The following LMBRD1 variants were observed in gnomAD, a reference collection of about 807,000 sequenced individuals.
The protein encoded by LMBRD1 is lysosomal cobalamin transport escort protein LMBD1.
A neutral mutation model predicts 74.8 loss-of-function variants in LMBRD1; 64 were observed. That is an observed-to-expected ratio of 0.86 (90% CI 0.70 to 1.05). The LOEUF (loss-of-function observed/expected upper bound fraction) is 1.05. Among genes scored for constraint, LMBRD1 ranks in the 50% least tolerant of loss-of-function variants. The pLI is 0.00. For missense variants in LMBRD1, 652 were observed against 645.9 expected (o/e 1.01, Z -0.10); for synonymous variants, 204 against 216.3 (o/e 0.94, Z 0.50).
chr6:69,782,147 AAAATATTCACAC>A (rs1393833786), intron 2 of LMBRD1, among the ~76,000 whole-genome samples: 2 of 152,230 alleles, frequency 1.3e-5, no homozygotes, highest in Non-Finnish European at 2.9e-5. Context: ...ATCGATCCTA[AAAATATTCACAC>A]AAATTAGGAT....
At chr6:69,681,733 G>A (rs1441766144) in intron 14 of LMBRD1, among the ~76,000 whole-genome samples, 1 of 151,900 alleles carries the variant, frequency 6.6e-6, no homozygotes, top group Non-Finnish European at 1.5e-5. Flanking sequence ...AGACTATTTA[G>A]AAGCCACTTC....
In LMBRD1 at chr6:69,701,507, C is replaced by T; in HGVS notation, c.1019G>A (p.Gly340Asp). The change falls in exon 11 of 16, where the codon GGT becomes GAT. Residue 340 changes from glycine to aspartate, a missense_variant. This residue lies in a region of LMBRD1 where 598 missense variants were observed against 581.8 expected (regional missense o/e 1.03). Transcript: ENST00000649934. ...KALHSAGIDS[G>D]FIIFGANLSN... ...CAGGTTAGCTCCAAAAATTATGAAA[C>T]CAGAATCTATTCCAGCTGAATGAAG... 6.2e-7 allele frequency: 1 copy of T among 1,607,816 alleles called. No individual in the cohort carries two copies. The highest frequency in any genetic ancestry group is 8.5e-7 in the Non-Finnish European group (1 of 1,175,868).
intron 7 of LMBRD1, among the ~76,000 whole-genome samples, chr6:69,724,349 A>T (rs1281167437): frequency 6.5e-4 from 2 of 3,070 alleles, no homozygotes; most frequent in African/African-American, 4.6e-3. Flanking sequence ...AGACACATTT[A>T]AAAAAAAAAA....
rs778769611 is a variant in LMBRD1, at chr6:69,701,563, G to A, written c.981-18C>T. On this transcript the variant is annotated intron_variant, in intron 10 of 15. Coordinates refer to ENST00000649934, the MANE Select transcript of LMBRD1 (RefSeq NM_018368.4). ...TATCTAAACTAAAAAAAATTACAAA[G>A]AATGAAATTTATGTTATACTATCAA... 6.9e-7 allele frequency: 1 copy of A among 1,457,556 alleles called. No individual in the cohort carries two copies. The highest frequency in any genetic ancestry group is 1.2e-5 in the South Asian group (1 of 85,638). 90.3% of individuals were successfully genotyped at this position (1,457,556 alleles called of 1,614,324 possible).
chr6:69,735,593 T>C (rs1766959162), intron 7 of LMBRD1, among the ~76,000 whole-genome samples: 2 of 152,208 alleles, frequency 1.3e-5, no homozygotes, highest in African/African-American at 2.4e-5. Context: ...ATATAAAATA[T>C]TAGTTTAAAA....
At chr6:69,747,445 C>A (rs1441717809) in intron 5 of LMBRD1, among the ~76,000 whole-genome samples, 1 of 152,194 alleles carries the variant, frequency 6.6e-6, no homozygotes, top group Admixed American at 6.5e-5. Context: ...TCTATGATAC[C>A]TTGTTATGGC....
rs1765384167 is a variant in LMBRD1, at chr6:69,761,938, T to G, written c.308-9582A>C. Reference sequence around the variant, plus strand: ...TCACTTAGCACAGGGGTTGGGATTTTTTCTCTGTTAACACATAATAAATAT... The same window carrying G: ...TCACTTAGCACAGGGGTTGGGATTTGTTCTCTGTTAACACATAATAAATAT... On this transcript the variant is annotated intron_variant, in intron 3 of 15. Coordinates refer to ENST00000649934, the MANE Select transcript of LMBRD1 (RefSeq NM_018368.4). 5.3e-5 allele frequency among the ~76,000 whole-genome samples: 8 copies of G among 152,342 alleles called. No individual in the cohort carries two copies. The South Asian group carries it at 1.7e-3, about 32-fold the overall frequency.
At chr6:69,781,865 T>C (rs996893650) in intron 2 of LMBRD1, among the ~76,000 whole-genome samples, 3 of 151,956 alleles carry the variant, frequency 2.0e-5, no homozygotes, top group South Asian at 2.1e-4. Flanking sequence ...CAAAATCCCA[T>C]TGTGCTAGGA....
chr6:69,742,094 G>A (rs547185885), intron 5 of LMBRD1, among the ~76,000 whole-genome samples: 19 of 152,042 alleles, frequency 1.2e-4, no homozygotes, highest in Admixed American at 3.3e-4. Context: ...TTGTAATCCC[G>A]TATGTTTTTT....
chr6:69,792,033 A>C (rs1230537092), intron 1 of LMBRD1, among the ~76,000 whole-genome samples: 2 of 152,180 alleles, frequency 1.3e-5, no homozygotes, highest in Non-Finnish European at 2.9e-5. Context: ...AAGACCACTC[A>C]TATTTGATGT....
intron 14 of LMBRD1, among the ~76,000 whole-genome samples, chr6:69,690,249 G>A (rs892117502): frequency 5.9e-5 from 9 of 151,832 alleles, no homozygotes; most frequent in Admixed American, 3.9e-4. Flanking sequence ...ATCTATCCCT[G>A]ACTAATCCAG....
intron 9 of LMBRD1, among the ~76,000 whole-genome samples, chr6:69,707,561 T>C (rs771567990): frequency 6.6e-6 from 1 of 152,188 alleles, no homozygotes; most frequent in Non-Finnish European, 1.5e-5. Flanking sequence ...TAAACACCGT[T>C]TATTTTTAGT....
At chr6:69,726,682 A>G (rs1292343822) in intron 7 of LMBRD1, among the ~76,000 whole-genome samples, 1 of 152,026 alleles carries the variant, frequency 6.6e-6, no homozygotes, top group Non-Finnish European at 1.5e-5. Flanking sequence ...AATCAAAACA[A>G]TTGAACTCGT....
intron 5 of LMBRD1, among the ~76,000 whole-genome samples, chr6:69,743,409 A>G (rs1010640550): frequency 6.6e-6 from 1 of 152,234 alleles, no homozygotes; most frequent in Non-Finnish European, 1.5e-5. Flanking sequence ...GAAAGAGACT[A>G]AAATTAATTA....
intron 3 of LMBRD1, among the ~76,000 whole-genome samples, chr6:69,764,063 T>A (rs1028989865): frequency 1.3e-5 from 2 of 152,048 alleles, no homozygotes; most frequent in Non-Finnish European, 2.9e-5. Flanking sequence ...AACTTAACAC[T>A]CTTGGGGCTG....
intron 14 of LMBRD1, among the ~76,000 whole-genome samples, chr6:69,692,273 G>T (rs1311165532): frequency 4.2e-5 from 5 of 120,432 alleles, no homozygotes; most frequent in South Asian, 2.8e-4. Flanking sequence ...TTTAAGGTGC[G>T]CTCTCTCTCT....
intron 6 of LMBRD1, among the ~76,000 whole-genome samples, chr6:69,739,068 G>C (rs555699881): frequency 6.6e-6 from 1 of 152,160 alleles, no homozygotes; most frequent in East Asian, 1.9e-4. Flanking sequence ...TTACTTTACT[G>C]ATCATACCAG....
chr6:69,737,946 T>G lies in LMBRD1; in HGVS notation c.632A>C (p.Tyr211Ser). Residue 211 changes from tyrosine (Y) to serine (S), a missense_variant, in exon 7 of 16, where the codon TAC (tyrosine) becomes TCC (serine). Physicochemically the swap from Tyr to Ser is moderately radical, Grantham distance 144. Around this residue, in one of 3 missense-constraint regions of LMBRD1, gnomAD observed 598 missense variants for 581.8 expected, o/e 1.03. Transcript: ENST00000649934. ...TLIGMLAAIT[Y>S]TAYGMSALPL... ...AATTATCCCCATTTCACTTACTGTGTAAGTTATAGCTGCCAACATTCCAAT... is the reference window on the plus strand; with the variant it reads ...AATTATCCCCATTTCACTTACTGTGGAAGTTATAGCTGCCAACATTCCAAT... The G allele has an allele frequency of 6.2e-7, 1 of 1,608,294 alleles. No homozygotes were observed. Among genetic ancestry groups the G allele is most frequent in the Non-Finnish European group, 8.5e-7 (1 of 1,175,792 alleles).
intron 14 of LMBRD1, among the ~76,000 whole-genome samples, chr6:69,691,833 G>A (rs2445960): frequency 0.54 from 77,012 of 142,710 alleles, 20,700 homozygotes; most frequent in Admixed American, 0.59. Context: ...CCAAGATCGC[G>A]CCACTGCACT....
Sources: gnomAD v4.1 joint callset for allele counts (sites outside exome capture counted in the v4.1 genomes callset) on GRCh38, gnomAD v4.1.1 for gene constraint, gnomAD v4.1.1 regional missense constraint, MANE v1.5 for transcripts, NCBI Gene and HGNC (gene_info 2026-07-23, HGNC 2026-07-21) for gene names.